KANSL1: variants seen among roughly 807,000 people sequenced by gnomAD.
KANSL1 encodes MLL1/MLL complex subunit KANSL1.
A neutral mutation model predicts 103.6 loss-of-function variants in KANSL1; 22 were observed. The observed-to-expected ratio is 0.21, with a 90% CI of 0.15 to 0.30. The LOEUF (loss-of-function observed/expected upper bound fraction) is 0.30. Ranked by LOEUF, KANSL1 falls within the 10% of genes least tolerant of loss-of-function variation. The pLI, the probability that KANSL1 is intolerant of heterozygous loss-of-function variation, is 1.00. For synonymous variants in KANSL1, 600 were observed against 527.6 expected (o/e 1.14, Z -1.88); for missense variants, 1,337 against 1,399.8 (o/e 0.96, Z 0.72).
At chr17:46,107,595 TA>T (rs1381526546) in intron 2 of KANSL1, among the ~76,000 whole-genome samples, 8 of 152,372 alleles carry the variant, frequency 5.3e-5, no homozygotes, top group African/African-American at 1.7e-4. Context: ...ACTTCCTTTC[TA>T]GGTGATCTTA....
upstream of KANSL1, among the ~76,000 whole-genome samples, chr17:46,196,971 C>G (rs533061512): frequency 6.6e-6 from 1 of 151,976 alleles, no homozygotes; most frequent in Non-Finnish European, 1.5e-5. Context: ...AAAATTTAGC[C>G]GGGGGTGGTG....
rs1268331126 is a variant in KANSL1, at chr17:46,210,829, A to C, written c.-90+12842T>G. On this transcript the variant is annotated intron_variant, in intron 1 of 14. Coordinates refer to the KANSL1 transcript ENST00000572904. The stretch of plus-strand genomic sequence containing the variant: ...AAAAACTAAGATTTATATTCAGCTT[A>C]GAGAATGCTTTGGCAAGTATAAAAG... Among the ~76,000 whole-genome samples, 4 of 152,264 alleles carry C rather than the reference A, an allele frequency of 2.6e-5. No homozygotes were observed. The East Asian group carries it at 5.8e-4, about 22-fold the overall frequency.
At chr17:46,178,283 C>A (rs2046625430) in intron 1 of KANSL1, among the ~76,000 whole-genome samples, 1 of 152,212 alleles carries the variant, frequency 6.6e-6, no homozygotes, top group Admixed American at 6.5e-5. Context: ...AACAGCACAA[C>A]AGCCTATCTG....
At chr17:46,105,949 C>CACACA (rs1567680988) in intron 2 of KANSL1, among the ~76,000 whole-genome samples, 1,133 of 49,158 alleles carry the variant, frequency 0.023, 7 homozygotes, top group East Asian at 0.039. Flanking sequence ...ACACACACAC[C>CACACA]CCCCCAGAAG....
chr17:46,040,403 T>C (rs1336108453), intron 7 of KANSL1: 1 of 152,748 alleles, frequency 6.5e-6, no homozygotes, highest in East Asian at 1.9e-4. Flanking sequence ...TTATCGGGGA[T>C]TTTTAGCTGA....
At chr17:46,182,558 A>G (rs956137547) in intron 1 of KANSL1, among the ~76,000 whole-genome samples, 6 of 152,234 alleles carry the variant, frequency 3.9e-5, no homozygotes, top group African/African-American at 1.4e-4. Context: ...TCTTAACTGA[A>G]AAAGCTTTAT....
rs2046320616 is a variant in KANSL1, at chr17:46,172,122, G to C, written c.22C>G (p.Leu8Val). The change falls in exon 2 of 15, where the codon CTC becomes GTC. Residue 8 changes from leucine to valine, a missense_variant. This residue lies in a region of KANSL1 where 557 missense variants were observed against 476.4 expected (regional missense o/e 1.17). Transcript: ENST00000432791. ...TGTGCTTCAGCTGCTGCGTCAGTGA[G>C]AGCGGGCGCCATCGCAGCCATTCAG... MAAMAPA[L>V]TDAAAEAHHI... is the part of the protein sequence containing the mutation. 1 of 1,607,608 alleles carries C rather than the reference G, an allele frequency of 6.2e-7. No individual in the cohort carries two copies. Among genetic ancestry groups the C allele is most frequent in the Non-Finnish European group, 8.5e-7 (1 of 1,180,020 alleles).
At chr17:46,216,627 TA>T (rs2048348550) in intron 1 of KANSL1, among the ~76,000 whole-genome samples, 1 of 149,702 alleles carries the variant, frequency 6.7e-6, no homozygotes. Flanking sequence ...GTTTCAAAGA[TA>T]AAACAAAAAT....
At position 46,199,902 on chromosome 17, in the gene KANSL1, G is replaced by T. The variant is rs561458859; in HGVS notation, c.-90+23769C>A. ...AGGTTCTCTCAGGCCATCAGCTATT[G>T]TTAAAATCTAACACCCAAGATTGTT... On this transcript the variant is annotated intron_variant, in intron 1 of 14. Transcript: ENST00000572904. 7.4e-4 allele frequency among the ~76,000 whole-genome samples: 112 copies of T among 152,280 alleles called. 1 individual carries two copies. In the Middle Eastern group the frequency reaches 0.014, roughly 18 times the overall value.
At position 46,030,156 on chromosome 17, in the gene KANSL1, T is replaced by C. The variant is rs1334549258; in HGVS notation, c.*1320A>G. ...TCCATTTTTTGTTTTTGTTTTTTTTTTCAATGCTAAAAGGGTTATTCAGAA... is the reference window on the plus strand; with the variant it reads ...TCCATTTTTTGTTTTTGTTTTTTTTCTCAATGCTAAAAGGGTTATTCAGAA... On this transcript the variant is annotated 3_prime_UTR_variant, in exon 15 of 15. Transcript: ENST00000432791. The C allele has an allele frequency of 6.6e-6, 1 of 152,362 alleles. No homozygotes were observed. The highest frequency in any genetic ancestry group is 1.5e-5 in the Non-Finnish European group (1 of 68,006). The allele number at this position is 152,362 out of a possible 1,614,324, so 9.4% of individuals were successfully genotyped here. A position where few individuals can be genotyped will look rare whatever the true frequency, so the allele number is the denominator to read the frequency against.
chr17:46,030,580 G>C lies in KANSL1; in HGVS notation c.*896C>G, dbSNP rs980362743. The stretch of plus-strand genomic sequence containing the variant: ...GGATGTGAAGGAAACATGGCAAAGT[G>C]AATCAGAGGGAAAAAAAAAAAAAAT... On this transcript the variant is annotated 3_prime_UTR_variant, in exon 15 of 15. Coordinates refer to ENST00000432791, the MANE Select transcript of KANSL1 (RefSeq NM_015443.4). The C allele has an allele frequency of 1.1e-4, 16 of 141,608 alleles. No individual in the cohort carries two copies. Among genetic ancestry groups the C allele is most frequent in the Non-Finnish European group, 6.0e-5 (4 of 66,180 alleles). 8.8% of individuals were successfully genotyped at this position (141,608 alleles called of 1,614,324 possible). A position where few individuals can be genotyped will look rare whatever the true frequency, so the allele number is the denominator to read the frequency against.
At chr17:46,067,807 A>C in intron 4 of KANSL1, 140 bp from the exon 5 acceptor site, 1 of 599,184 alleles carries the variant, frequency 1.7e-6, no homozygotes, top group Admixed American at 2.9e-5. Flanking sequence ...GACTGAAGAA[A>C]AAGAAAATAA....
At chr17:46,125,033 TAGGGAGGGAGGGAGGAGGG>T (rs1335494498) in intron 2 of KANSL1, among the ~76,000 whole-genome samples, 2 of 49,454 alleles carry the variant, frequency 4.0e-5, no homozygotes, top group Non-Finnish European at 8.1e-5. Flanking sequence ...GGAGGGGAGG[TAGGGAGGGAGGGAGGAGGG>T]AGGGAGGAGG....
At chr17:46,071,165 C>T (rs893596093) in intron 4 of KANSL1, among the ~76,000 whole-genome samples, 5 of 152,128 alleles carry the variant, frequency 3.3e-5, no homozygotes, top group Non-Finnish European at 5.9e-5. Flanking sequence ...TGGAGTAATT[C>T]AGCCCCCAAA....
intron 2 of KANSL1, among the ~76,000 whole-genome samples, chr17:46,162,104 C>A (rs1251057250): frequency 1.3e-5 from 2 of 152,236 alleles, no homozygotes; most frequent in African/African-American, 2.4e-5. Context: ...ATATACTAAA[C>A]CCCCTTGGTT....
intron 2 of KANSL1, among the ~76,000 whole-genome samples, chr17:46,112,748 T>C (rs551623685): frequency 1.3e-5 from 2 of 149,268 alleles, no homozygotes; most frequent in African/African-American, 5.0e-5. Flanking sequence ...TGAGATGGAG[T>C]GTCACTCTTG....
intron 2 of KANSL1, among the ~76,000 whole-genome samples, chr17:46,165,481 CT>C (rs2045949533): frequency 6.6e-6 from 1 of 152,034 alleles, no homozygotes; most frequent in African/African-American, 2.4e-5. Flanking sequence ...ATCCACCCAC[CT>C]CAGCCTCCCA....
At position 46,062,131 on chromosome 17, in the gene KANSL1, A is replaced by AC. The variant is rs1464835516; in HGVS notation, c.1848+4405_1848+4406insG. On this transcript the variant is annotated intron_variant, in intron 6 of 14. Coordinates refer to ENST00000432791, the MANE Select transcript of KANSL1 (RefSeq NM_015443.4). ...AAAACAAACAAACAAAAAAAAAAAA[A>AC]AAACATGTTACAGCAGATTTACCTC... Among the ~76,000 whole-genome samples the AC allele has an allele frequency of 1.5e-4, 21 of 140,154 alleles. No individual in the cohort carries two copies. In the East Asian group the frequency reaches 2.3e-3, roughly 16 times the overall value. The allele number at this position is 140,154 out of a possible 152,430, so 91.9% of individuals were successfully genotyped here.
At chr17:46,077,580 C>A (rs62060847) in intron 4 of KANSL1, among the ~76,000 whole-genome samples, 3 of 151,906 alleles carry the variant, frequency 2.0e-5, no homozygotes, top group Non-Finnish European at 4.4e-5. Context: ...ATTTTTGAGA[C>A]GGAGTCTCAC....
Sources: allele counts gnomAD v4.1 joint callset (sites outside exome capture counted in the v4.1 genomes callset), GRCh38; gene constraint gnomAD v4.1.1; regional missense constraint gnomAD v4.1.1; transcripts MANE v1.5; gene names NCBI Gene and HGNC (gene_info 2026-07-23, HGNC 2026-07-21).